Variants in MAN1A2 observed in about 807,000 individuals in gnomAD.
The protein encoded by MAN1A2 is mannosidase alpha class 1A member 2, also known as mannosyl-oligosaccharide 1,2-alpha-mannosidase IB.
A neutral mutation model predicts 75.7 loss-of-function variants in MAN1A2; 26 were observed. The observed-to-expected ratio is 0.34, with a 90% CI of 0.25 to 0.48. The LOEUF (loss-of-function observed/expected upper bound fraction) is 0.48. Ranked by LOEUF, MAN1A2 falls within the 20% of genes least tolerant of loss-of-function variation. The pLI is 0.99. For synonymous variants in MAN1A2, 247 were observed against 264.6 expected (o/e 0.93, Z 0.65); for missense variants, 562 against 775.5 (o/e 0.72, Z 3.27).
At chr1:117,508,139 C>A (rs901265388) in intron 12 of MAN1A2, among the ~76,000 whole-genome samples, 2 of 151,666 alleles carry the variant, frequency 1.3e-5, no homozygotes, top group East Asian at 3.9e-4. Flanking sequence ...ACCCATTCAC[C>A]TAGATCTTTC....
intron 6 of MAN1A2, among the ~76,000 whole-genome samples, chr1:117,445,114 A>G (rs1322036174): frequency 1.3e-5 from 2 of 152,122 alleles, no homozygotes; most frequent in Non-Finnish European, 2.9e-5. Context: ...TTTTCCATCT[A>G]TGGAGATAAT....
chr1:117,446,356 G>A (rs568346999), intron 6 of MAN1A2, among the ~76,000 whole-genome samples: 32 of 151,850 alleles, frequency 2.1e-4, no homozygotes, highest in Non-Finnish European at 4.4e-5. Context: ...CATTGGAACT[G>A]TAGGTTGTAT....
intron 5 of MAN1A2, among the ~76,000 whole-genome samples, chr1:117,424,651 G>C (rs1291151192): frequency 2.0e-5 from 3 of 152,094 alleles, no homozygotes. Context: ...TCCTATATGC[G>C]TTTCACTCCT....
At chr1:117,393,726 A>G (rs1653810420) in intron 1 of MAN1A2, among the ~76,000 whole-genome samples, 6 of 152,178 alleles carry the variant, frequency 3.9e-5, no homozygotes, top group Admixed American at 3.9e-4. Flanking sequence ...GAGTCAATGT[A>G]AAATTCATTT....
chr1:117,450,674 G>A (rs1273882213), intron 6 of MAN1A2, among the ~76,000 whole-genome samples: 1 of 152,180 alleles, frequency 6.6e-6, no homozygotes, highest in Non-Finnish European at 1.5e-5. Context: ...TTGGTGCCCT[G>A]TATCCCAGCC....
At chr1:117,421,536 A>G (rs1024654531) in intron 5 of MAN1A2, among the ~76,000 whole-genome samples, 4 of 151,372 alleles carry the variant, frequency 2.6e-5, no homozygotes, top group South Asian at 2.1e-4. Context: ...CCATTTTCGT[A>G]TGGATTTTTA....
chr1:117,410,507 A>G (rs990733249), intron 3 of MAN1A2, among the ~76,000 whole-genome samples: 2 of 151,794 alleles, frequency 1.3e-5, no homozygotes, highest in African/African-American at 4.8e-5. Context: ...TTAATATTGA[A>G]AGACTATATG....
At chr1:117,389,074 T>C (rs1653635351) in intron 1 of MAN1A2, among the ~76,000 whole-genome samples, 1 of 152,196 alleles carries the variant, frequency 6.6e-6, no homozygotes, top group Non-Finnish European at 1.5e-5. Context: ...TTATCCTTTA[T>C]ACTTCAAAAT....
chr1:117,509,603 T>C (rs1651469222), intron 12 of MAN1A2, among the ~76,000 whole-genome samples: 1 of 151,954 alleles, frequency 6.6e-6, no homozygotes, highest in Non-Finnish European at 1.5e-5. Context: ...AGTTTAGTGT[T>C]TGAGTTAGAA....
chr1:117,369,192 A>T (rs1452254235), intron 1 of MAN1A2, among the ~76,000 whole-genome samples: 1 of 152,164 alleles, frequency 6.6e-6, no homozygotes, highest in African/African-American at 2.4e-5. Context: ...TAATAGATGG[A>T]CTGTGTCAAG....
chr1:117,414,259 T>G (rs978836511), intron 3 of MAN1A2, among the ~76,000 whole-genome samples: 1 of 151,440 alleles, frequency 6.6e-6, no homozygotes, highest in African/African-American at 2.4e-5. Context: ...ATATTTTTTG[T>G]CCTTTATATG....
At chr1:117,465,546 GTA>G (rs762340807) in intron 7 of MAN1A2, among the ~76,000 whole-genome samples, 2 of 152,112 alleles carry the variant, frequency 1.3e-5, no homozygotes, top group Non-Finnish European at 2.9e-5. Context: ...GAAAAGTGAA[GTA>G]TATATCAGGT....
chr1:117,504,460 T>C (rs1288417620), intron 12 of MAN1A2, among the ~76,000 whole-genome samples: 6 of 151,244 alleles, frequency 4.0e-5, no homozygotes, highest in Non-Finnish European at 8.9e-5. Context: ...TTTTAGCTTT[T>C]TATTTTGCTG....
Position 117,512,620 on chromosome 1 carries a change from G to T in MAN1A2, c.1793+9650G>T, listed in dbSNP as rs376203126. 1.1e-4 allele frequency among the ~76,000 whole-genome samples: 17 copies of T among 152,114 alleles called. No homozygotes were observed. In the East Asian group the frequency reaches 2.7e-3, roughly 24 times the overall value. On this transcript the variant is annotated intron_variant, in intron 12 of 12. Transcript: ENST00000356554. ...CATAAAGTCAGGTGGGCAAGTCTTT[G>T]CTTAACTGCTGTATTTATGTAGTTC...
intron 6 of MAN1A2, among the ~76,000 whole-genome samples, chr1:117,455,522 C>A (rs1393381443): frequency 6.6e-6 from 1 of 151,916 alleles, no homozygotes; most frequent in South Asian, 2.1e-4. Flanking sequence ...GAAAAATAAA[C>A]CAGATCCTAC....
intron 12 of MAN1A2, chr1:117,515,568 A>T (rs957220438): frequency 2.0e-5 from 3 of 152,118 alleles, no homozygotes; most frequent in African/African-American, 7.2e-5. Flanking sequence ...TTCAGCCTGA[A>T]AAAATACCTT....
intron 5 of MAN1A2, among the ~76,000 whole-genome samples, chr1:117,441,692 G>T (rs1023106206): frequency 1.3e-5 from 2 of 151,902 alleles, no homozygotes; most frequent in Non-Finnish European, 2.9e-5. Flanking sequence ...ATTATTTTTG[G>T]ATACCAAAAA....
chr1:117,416,139 A>C (rs1040328944), intron 4 of MAN1A2, among the ~76,000 whole-genome samples: 1 of 152,026 alleles, frequency 6.6e-6, no homozygotes, highest in African/African-American at 2.4e-5. Context: ...TTAATGTAGG[A>C]TGAAGTAGGC....
Position 117,368,195 on chromosome 1 carries a change from A to T in MAN1A2, c.12A>T (p.Pro4=), listed in dbSNP as rs1302613377. The change falls in exon 1 of 13, where the codon CCA becomes CCT. Residue 4 remains proline, a synonymous_variant. Coordinates refer to ENST00000356554, the MANE Select transcript of MAN1A2 (RefSeq NM_006699.5). Reference sequence around the variant, plus strand: ...CAAGAGCGTAAACGATGACTACCCCAGCCCTGCTGCCCCTCTCTGGACGTA... The same window carrying T: ...CAAGAGCGTAAACGATGACTACCCCTGCCCTGCTGCCCCTCTCTGGACGTA... MTT[P]ALLPLSGRRI... is the part of the protein sequence containing the mutation. 6.2e-7 allele frequency: 1 copy of T among 1,612,222 alleles called. No individual in the cohort carries two copies. The highest frequency in any genetic ancestry group is 8.5e-7 in the Non-Finnish European group (1 of 1,179,418).
Sources: allele counts gnomAD v4.1 joint callset (sites outside exome capture counted in the v4.1 genomes callset), GRCh38; gene constraint gnomAD v4.1.1; transcripts MANE v1.5; gene names NCBI Gene and HGNC (gene_info 2026-07-23, HGNC 2026-07-21).